The following CAAP1 variants were observed in gnomAD, a reference collection of about 807,000 sequenced individuals.
CAAP1 encodes the protein conserved anti-apoptotic protein.
CAAP1 carries 20 observed loss-of-function variants against 34.0 expected under a neutral mutation model. The observed-to-expected ratio is 0.59, with a 90% confidence interval of 0.41 to 0.86. The LOEUF is 0.86. Among genes scored for constraint, CAAP1 ranks in the 40% least tolerant of loss-of-function variants. The pLI, the probability that CAAP1 is intolerant of heterozygous loss-of-function variation, is 0.00. For synonymous variants in CAAP1, 213 were observed against 166.7 expected, an observed-to-expected ratio of 1.28 and a Z score of -2.14; for missense variants, 538 against 450.5, an observed-to-expected ratio of 1.19 and a Z score of -1.76.
At position 26,861,098 on chromosome 9, in the gene CAAP1, T is replaced by C. The variant is rs750587844; in HGVS notation, c.707A>G (p.Asn236Ser). 1.9e-6 allele frequency: 3 copies of C among 1,612,222 alleles called. No homozygotes were observed. The highest frequency in any genetic ancestry group is 2.2e-5 in the South Asian group (2 of 91,024). Residue 236 changes from asparagine (N) to serine (S), a missense_variant, in exon 5 of 6, where the codon AAT (asparagine) becomes AGT (serine). Physicochemically the swap from Asn to Ser is conservative, Grantham distance 46. Around this residue, in one of 3 missense-constraint regions of CAAP1, gnomAD observed 514 missense variants for 408.4 expected, o/e 1.26. Coordinates refer to ENST00000333916, the MANE Select transcript of CAAP1 (RefSeq NM_024828.4). ...TAATTCCAAACCTTCAGGTTGCTTA[T>C]TCTCTCTCACGGATGAAGCAGAATC... is the stretch of plus-strand genomic sequence containing the variant. ...CIDSASSVRE[N>S]KQPEGLELKQ...
At chr9:26,846,707 GAC>G (rs2131294827) in intron 5 of CAAP1, among the ~76,000 whole-genome samples, 1 of 150,700 alleles carries the variant, frequency 6.6e-6, no homozygotes, top group East Asian at 1.9e-4. Flanking sequence ...TTTTTTTTGA[GAC>G]AGAGTTGCAC....
At chr9:26,885,981 A>C (rs1823729223) in intron 3 of CAAP1, 123 bp downstream of exon 3, 1 of 442,874 alleles carries the variant, frequency 2.3e-6, no homozygotes, top group East Asian at 3.5e-5. Context: ...AAGTAAAAAT[A>C]CTCTTCAACA....
At chr9:26,890,975 TGA>T (rs1445673697) in intron 1 of CAAP1, among the ~76,000 whole-genome samples, 1 of 151,836 alleles carries the variant, frequency 6.6e-6, no homozygotes, top group Non-Finnish European at 1.5e-5. Flanking sequence ...AACACATACA[TGA>T]AAGTAAAAAT....
intron 5 of CAAP1, among the ~76,000 whole-genome samples, chr9:26,852,124 A>G (rs1822766730): frequency 1.5e-5 from 2 of 130,382 alleles, no homozygotes; most frequent in Non-Finnish European, 3.2e-5. Flanking sequence ...CAGTGGCCCA[A>G]TCATGGCTCA....
chr9:26,874,960 G>A (rs1823389751), intron 4 of CAAP1, among the ~76,000 whole-genome samples: 1 of 152,184 alleles, frequency 6.6e-6, no homozygotes, highest in South Asian at 2.1e-4. Context: ...ATAAACACTT[G>A]TGCATAATTC....
In CAAP1 at chr9:26,874,425, G is replaced by T. The variant is rs565449832; in HGVS notation, c.665+10385C>A. Among the ~76,000 whole-genome samples, 278 of 151,908 alleles carry T rather than the reference G, an allele frequency of 1.8e-3. 1 individual carries two copies. Among genetic ancestry groups the T allele is most frequent in the Middle Eastern group, 3.4e-3 (1 of 292 alleles). ...ATTTTGAAATAAACAATAAATTATT[G>T]TTAACTACAGTACCCCTATTGTGCT... On this transcript the variant is annotated intron_variant, in intron 4 of 5. Transcript: ENST00000333916.
chr9:26,888,769 C>T (rs189771639), intron 1 of CAAP1, among the ~76,000 whole-genome samples: 1 of 152,148 alleles, frequency 6.6e-6, no homozygotes, highest in Non-Finnish European at 1.5e-5. Flanking sequence ...AGAAATGTAA[C>T]GATATGTCTA....
chr9:26,881,063 C>T (rs13286091), intron 4 of CAAP1, among the ~76,000 whole-genome samples: 2 of 152,240 alleles, frequency 1.3e-5, no homozygotes, highest in South Asian at 2.1e-4. Flanking sequence ...GTCACCCATG[C>T]TTTGGGATGC....
rs943825595 is a variant in CAAP1, at chr9:26,892,735, T to C, written c.-20A>G. Reference sequence around the variant, plus strand: ...CGTCATGATCCCTCTGCTGCAACCATCGGAGGAAAGTCCGCTGTCTCTGGT... The same window carrying C: ...CGTCATGATCCCTCTGCTGCAACCACCGGAGGAAAGTCCGCTGTCTCTGGT... On this transcript the variant is annotated 5_prime_UTR_variant, in exon 1 of 6. The change abolishes an upstream ATG in the 5' untranslated region. Coordinates refer to ENST00000333916, the MANE Select transcript of CAAP1 (RefSeq NM_024828.4). 1.7e-5 allele frequency: 26 copies of C among 1,561,376 alleles called. No homozygotes were observed. The highest frequency in any genetic ancestry group is 2.2e-5 in the Non-Finnish European group (26 of 1,158,168).
chr9:26,892,761 G>A lies in CAAP1; in HGVS notation c.-46C>T. 1 of 1,523,708 alleles carries A rather than the reference G, an allele frequency of 6.6e-7. No homozygotes were observed. Among genetic ancestry groups the A allele is most frequent in the Non-Finnish European group, 8.8e-7 (1 of 1,138,500 alleles). The allele number at this position is 1,523,708 out of a possible 1,614,324, so 94.4% of individuals were successfully genotyped here. A position where few individuals can be genotyped will look rare whatever the true frequency, so the allele number is the denominator to read the frequency against. ...CGGAGGAAAGTCCGCTGTCTCTGGTGCGACCGAAGCCCGACTCCTGCGGCC... is the reference window on the plus strand; with the variant it reads ...CGGAGGAAAGTCCGCTGTCTCTGGTACGACCGAAGCCCGACTCCTGCGGCC... On this transcript the variant is annotated 5_prime_UTR_variant, in exon 1 of 6. Transcript: ENST00000333916.
intron 4 of CAAP1, among the ~76,000 whole-genome samples, chr9:26,868,214 C>G (rs1432887879): frequency 2.6e-5 from 4 of 151,692 alleles, no homozygotes; most frequent in Non-Finnish European, 5.9e-5. Flanking sequence ...CCTCATACGG[C>G]AAAAAACTTT....
Position 26,847,545 on chromosome 9 carries a change from T to G in CAAP1, c.740-4898A>C, listed in dbSNP as rs182716507. Among the ~76,000 whole-genome samples, 535 of 152,214 alleles carry G rather than the reference T, an allele frequency of 3.5e-3. 2 individuals carry two copies. Among genetic ancestry groups the G allele is most frequent in the African/African-American group, 0.012 (511 of 41,534 alleles). ...ACTATTTTTTTAATTTACATTTATC[T>G]GATTAGAAATTAGGTTGAGCATTCT... is the stretch of plus-strand genomic sequence containing the variant. On this transcript the variant is annotated intron_variant, in intron 5 of 5. Coordinates refer to ENST00000333916, the MANE Select transcript of CAAP1 (RefSeq NM_024828.4).
In CAAP1 at chr9:26,849,116, T is replaced by C. The variant is rs149967541; in HGVS notation, c.740-6469A>G. Among the ~76,000 whole-genome samples the C allele has an allele frequency of 3.9e-4, 60 of 152,348 alleles. No homozygotes were observed. In the East Asian group the frequency reaches 0.01, roughly 26 times the overall value. On this transcript the variant is annotated intron_variant, in intron 5 of 5. Coordinates refer to ENST00000333916, the MANE Select transcript of CAAP1 (RefSeq NM_024828.4). ...GAAAACAAGAGAAATAGTGAAAGTA[T>C]ACAGGCTAGACGACAGTGTAATACA...
intron 5 of CAAP1, among the ~76,000 whole-genome samples, chr9:26,848,030 T>A (rs1822659222): frequency 6.6e-6 from 1 of 152,196 alleles, no homozygotes; most frequent in South Asian, 2.1e-4. Context: ...TAATTCACTA[T>A]CAAGAGGTTT....
chr9:26,847,328 C>T (rs1303472482), intron 5 of CAAP1, among the ~76,000 whole-genome samples: 3 of 148,924 alleles, frequency 2.0e-5, no homozygotes, highest in Non-Finnish European at 4.5e-5. Flanking sequence ...CATTCTCCCG[C>T]CTCAGCCTCC....
At chr9:26,853,252 A>G (rs939229633) in intron 5 of CAAP1, among the ~76,000 whole-genome samples, 6 of 152,204 alleles carry the variant, frequency 3.9e-5, no homozygotes, top group Non-Finnish European at 7.3e-5. Context: ...CTGGACACTG[A>G]GAAGAATGTA....
intron 1 of CAAP1, 60 bp downstream of exon 1, chr9:26,892,353 G>C: frequency 6.3e-7 from 1 of 1,584,810 alleles, no homozygotes; most frequent in South Asian, 1.1e-5. Flanking sequence ...CCCTCTGGAA[G>C]CCCGACTTCT....
chr9:26,852,339 C>T (rs970522260), intron 5 of CAAP1, among the ~76,000 whole-genome samples: 3 of 151,932 alleles, frequency 2.0e-5, no homozygotes, highest in Non-Finnish European at 1.5e-5. Flanking sequence ...CCTATAATCC[C>T]AACTACTCAG....
At chr9:26,890,074 C>A (rs1258844174) in intron 1 of CAAP1, among the ~76,000 whole-genome samples, 2 of 151,766 alleles carry the variant, frequency 1.3e-5, no homozygotes, top group African/African-American at 4.8e-5. Context: ...CCCATCATAA[C>A]GGAGTGGGAA....
Sources: gnomAD v4.1 joint callset for allele counts (sites outside exome capture counted in the v4.1 genomes callset) on GRCh38, gnomAD v4.1.1 for gene constraint, gnomAD v4.1.1 regional missense constraint, MANE v1.5 for transcripts, NCBI Gene and HGNC (gene_info 2026-07-23, HGNC 2026-07-21) for gene names.